Variants in SEC23A observed in about 807,000 individuals in gnomAD.
SEC23A encodes the protein protein transport protein Sec23A.
In SEC23A, 56 loss-of-function variants were observed where a neutral mutation model predicts 103.7. The observed-to-expected ratio is 0.54, with a 90% CI of 0.44 to 0.67. The LOEUF (loss-of-function observed/expected upper bound fraction) is 0.67, where lower values mean the gene tolerates loss of function less well. Among genes scored for constraint, SEC23A ranks in the 30% least tolerant of loss-of-function variants. The pLI is 0.00. For synonymous variants in SEC23A, 281 were observed against 293.0 expected, an observed-to-expected ratio of 0.96 and a Z score of 0.42; for missense variants, 784 against 936.4, an observed-to-expected ratio of 0.84 and a Z score of 2.12.
At chr14:39,041,529 G>C (rs1885646286) in intron 17 of SEC23A, 1 of 140,312 alleles carries the variant, frequency 7.1e-6, no homozygotes. Context: ...ATTAGAAACT[G>C]GTATCAATTA....
intron 15 of SEC23A, 66 bp from the exon 16 acceptor site, chr14:39,045,390 C>G: frequency 3.3e-6 from 4 of 1,201,020 alleles, no homozygotes; most frequent in Non-Finnish European, 4.8e-6. Flanking sequence ...TTACTATTAG[C>G]AAAAATATTT....
chr14:39,070,372 G>A (rs1886803437), intron 9 of SEC23A, among the ~76,000 whole-genome samples: 1 of 152,114 alleles, frequency 6.6e-6, no homozygotes, highest in Admixed American at 6.6e-5. Flanking sequence ...ACACATCCCA[G>A]GTCATTCTGT....
intron 4 of SEC23A, among the ~76,000 whole-genome samples, chr14:39,092,125 T>C (rs1352219713): frequency 2.0e-5 from 3 of 152,220 alleles, no homozygotes; most frequent in Non-Finnish European, 2.9e-5. Context: ...CAGTAAAACA[T>C]GTAAACAACT....
At chr14:39,082,512 T>C (rs1887263096) in intron 7 of SEC23A, among the ~76,000 whole-genome samples, 1 of 152,158 alleles carries the variant, frequency 6.6e-6, no homozygotes, top group Admixed American at 6.6e-5. Context: ...GGAAAACCTG[T>C]AACTTTACAG....
rs770330709 is a variant in SEC23A at position 39,033,280 on chromosome 14, T to C, written c.2257A>G (p.Met753Val). The C allele has an allele frequency of 1.2e-6, 2 of 1,613,546 alleles. No individual in the cohort carries two copies. Among genetic ancestry groups the C allele is most frequent in the Admixed American group, 1.7e-5 (1 of 60,030 alleles). Residue 753 changes from methionine to valine, a missense_variant, in exon 20 of 20, where the codon ATG becomes GTG. Met to Val is a conservative substitution (Grantham distance 21). Transcript: ENST00000307712. ...LTDDVSLQVF[M>V]DHLKKLAVSS... ...ACAGCAAGTTTCTTCAAGTGATCCATAAACACTTGTAAACTAACATCATCT... is the reference window on the plus strand; with the variant it reads ...ACAGCAAGTTTCTTCAAGTGATCCACAAACACTTGTAAACTAACATCATCT...
intron 17 of SEC23A, 44 bp from the exon 18 acceptor site, chr14:39,040,931 C>A: frequency 1.3e-6 from 2 of 1,551,800 alleles, no homozygotes; most frequent in South Asian, 1.2e-5. Context: ...ATTTCTTGCC[C>A]ATCCAAAAAT....
intron 7 of SEC23A, among the ~76,000 whole-genome samples, chr14:39,078,711 A>T (rs1275278682): frequency 6.6e-6 from 1 of 152,222 alleles, no homozygotes; most frequent in Admixed American, 6.5e-5. Context: ...AAAATTTTTA[A>T]AACCTCAATG....
intron 1 of SEC23A, 63 bp downstream of exon 1, chr14:39,102,968 AC>A (rs1470374527): frequency 6.6e-6 from 1 of 152,372 alleles, no homozygotes; most frequent in African/African-American, 2.4e-5. Context: ...CAGAGCCGGG[AC>A]CACCCCAGGA....
At chr14:39,052,719 A>C (rs1886109392) in intron 14 of SEC23A, among the ~76,000 whole-genome samples, 3 of 152,244 alleles carry the variant, frequency 2.0e-5, no homozygotes, top group Non-Finnish European at 4.4e-5. Flanking sequence ...TTAGTGAAAA[A>C]AACTAAGGAA....
In SEC23A at chr14:39,091,961, T is replaced by C. The variant is rs567343862; in HGVS notation, c.367-248A>G. ...TCACTTTCCATTTTATTTAACTACA[T>C]GCATAAGGTTTCATTTGACTCTTTT... On this transcript the variant is annotated intron_variant, in intron 4 of 19. Transcript: ENST00000307712. Among the ~76,000 whole-genome samples the C allele has an allele frequency of 5.3e-5, 8 of 152,354 alleles. No homozygotes were observed. In the South Asian group the frequency reaches 1.7e-3, roughly 32 times the overall value.
rs1046249923 is a variant in SEC23A at position 39,042,651 on chromosome 14, A to G, written c.1986+135T>C. The G allele has an allele frequency of 3.4e-5, 22 of 642,486 alleles. No individual in the cohort carries two copies. In the South Asian group the frequency reaches 3.6e-4, roughly 11 times the overall value. The allele number at this position is 642,486 out of a possible 1,614,324, so 39.8% of individuals were successfully genotyped here. On this transcript the variant is annotated intron_variant, in intron 17 of 19. Coordinates refer to ENST00000307712, the MANE Select transcript of SEC23A (RefSeq NM_006364.4). ...CTAAAACCTTATAGTAGGCAGCATCATATTTTATTATTTTATAAAAATGGA... is the reference window on the plus strand; with the variant it reads ...CTAAAACCTTATAGTAGGCAGCATCGTATTTTATTATTTTATAAAAATGGA...
chr14:39,042,560 T>A (rs932064421), intron 17 of SEC23A, among the ~76,000 whole-genome samples: 7 of 152,230 alleles, frequency 4.6e-5, no homozygotes, highest in Non-Finnish European at 8.8e-5. Context: ...CACTGTGCTT[T>A]GCGCAAAATC....
intron 14 of SEC23A, among the ~76,000 whole-genome samples, chr14:39,049,374 GC>G (rs1367046814): frequency 6.6e-6 from 1 of 151,920 alleles, no homozygotes; most frequent in Non-Finnish European, 1.5e-5. Flanking sequence ...TACATGGGAG[GC>G]TGAGGCAAAA....
intron 15 of SEC23A, among the ~76,000 whole-genome samples, chr14:39,045,949 T>C (rs1325656083): frequency 6.6e-6 from 1 of 152,138 alleles, no homozygotes; most frequent in Non-Finnish European, 1.5e-5. Context: ...TCAATTCAAG[T>C]TTACTTGTTA....
At chr14:39,085,675 C>A in intron 7 of SEC23A, 87 bp downstream of exon 7, 1 of 1,425,778 alleles carries the variant, frequency 7.0e-7, no homozygotes, top group Non-Finnish European at 9.6e-7. Context: ...TCTTCTTATC[C>A]TTATAATTAT....
At chr14:39,064,779 T>C (rs1023421415) in intron 11 of SEC23A, 134 bp downstream of exon 11, 1 of 747,002 alleles carries the variant, frequency 1.3e-6, no homozygotes, top group African/African-American at 1.7e-5. Flanking sequence ...AGGGTCTCTC[T>C]ATGTTGCCTG....
At chr14:39,051,720 C>T (rs1316623355) in intron 14 of SEC23A, among the ~76,000 whole-genome samples, 2 of 151,854 alleles carry the variant, frequency 1.3e-5, no homozygotes, top group East Asian at 1.9e-4. Flanking sequence ...TCCCAGTACT[C>T]GGGAGGCCAA....
chr14:39,089,165 C>G (rs79912869), intron 5 of SEC23A, among the ~76,000 whole-genome samples: 1 of 69,358 alleles, frequency 1.4e-5, no homozygotes, highest in Non-Finnish European at 3.1e-5. Context: ...GACTCCGTGT[C>G]AAAAAAAAAA....
rs1264896101 is a variant in SEC23A, at chr14:39,033,155, G to A, written c.*84C>T. On this transcript the variant is annotated 3_prime_UTR_variant, in exon 20 of 20. Coordinates refer to ENST00000307712, the MANE Select transcript of SEC23A (RefSeq NM_006364.4). ...AAAAAATATAGAGCAATATCTGTTG[G>A]TTTCCACAGATAAATGGAAAAAGGA... 8 of 993,554 alleles carry A rather than the reference G, an allele frequency of 8.1e-6. No homozygotes were observed. Among genetic ancestry groups the A allele is most frequent in the Non-Finnish European group, 4.9e-6 (3 of 616,236 alleles). 61.5% of individuals were successfully genotyped at this position (993,554 alleles called of 1,614,324 possible).
Sources: gnomAD v4.1 joint callset for allele counts (sites outside exome capture counted in the v4.1 genomes callset) on GRCh38, gnomAD v4.1.1 for gene constraint, MANE v1.5 for transcripts, NCBI Gene and HGNC (gene_info 2026-07-23, HGNC 2026-07-21) for gene names.